Variants in GRM5 observed in about 807,000 individuals in gnomAD.
GRM5 encodes the protein metabotropic glutamate receptor 5.
Under a neutral mutation model 83.1 loss-of-function variants are expected in GRM5, and 19 were observed. That is an observed-to-expected ratio of 0.23 (90% confidence interval 0.16 to 0.34). The LOEUF is 0.34. Among genes scored for constraint, GRM5 ranks in the 10% least tolerant of loss-of-function variants. The pLI is 1.00. For missense variants in GRM5, 1,160 were observed against 1,588.3 expected (o/e 0.73, Z 4.58); for synonymous variants, 675 against 633.6 (o/e 1.07, Z -0.98).
At chr11:88,894,885 C>G (rs921950399) in intron 2 of GRM5, among the ~76,000 whole-genome samples, 3 of 151,922 alleles carry the variant, frequency 2.0e-5, no homozygotes, top group Non-Finnish European at 4.4e-5. Flanking sequence ...ATCAACAAAC[C>G]AGGAAGTGAA....
chr11:88,595,659 T>C (rs911226498), intron 6 of GRM5, among the ~76,000 whole-genome samples: 1 of 152,190 alleles, frequency 6.6e-6, no homozygotes, highest in African/African-American at 2.4e-5. Context: ...TGATACTCAA[T>C]TGCCATTACA....
intron 4 of GRM5, among the ~76,000 whole-genome samples, chr11:88,608,129 G>T (rs185984208): frequency 3.3e-5 from 5 of 152,180 alleles, no homozygotes; most frequent in Non-Finnish European, 5.9e-5. Flanking sequence ...AGCCTTGGGG[G>T]AGCAGCTCAC....
chr11:88,784,597 G>A lies in GRM5; in HGVS notation c.911+65309C>T, dbSNP rs1435810468. On this transcript the variant is annotated intron_variant, in intron 3 of 9. Coordinates refer to ENST00000305447, the MANE Select transcript of GRM5 (RefSeq NM_001143831.3). ...GACTGGCTAGAACACAGACTGCAAA[G>A]CCTGTGTTCTTCATCGGTGTATTCT... Among the ~76,000 whole-genome samples, 3 of 152,072 alleles carry A rather than the reference G, an allele frequency of 2.0e-5. No homozygotes were observed. The East Asian group carries it at 5.8e-4, about 29-fold the overall frequency.
At chr11:88,696,265 TCTG>T (rs1265818433) in intron 3 of GRM5, among the ~76,000 whole-genome samples, 1 of 152,078 alleles carries the variant, frequency 6.6e-6, no homozygotes, top group African/African-American at 2.4e-5. Flanking sequence ...GGTGTTCTCT[TCTG>T]CTCCTCTCCA....
intron 7 of GRM5, among the ~76,000 whole-genome samples, chr11:88,582,623 T>G (rs1051911674): frequency 5.9e-5 from 9 of 152,220 alleles, no homozygotes; most frequent in Non-Finnish European, 1.2e-4. Context: ...TAAACTAAAC[T>G]TATTTCTCAT....
rs766741554 is a variant in GRM5, at chr11:88,508,978, G to A, written c.3253C>T (p.Pro1085Ser). Residue 1085 changes from proline to serine, a missense_variant, in exon 10 of 10, where the codon CCC (proline) becomes TCC (serine). Coordinates refer to ENST00000305447, the MANE Select transcript of GRM5 (RefSeq NM_001143831.3). This position sits in a 1 kb window ranked among gnomAD's most constrained non-coding sequence, Gnocchi z 4.2. Reference sequence around the variant, plus strand: ...AGCGGGGCGCCGACGCCGGGGCTGGGGGCCGCGGTGGACAGCATCATGGAG... The same window carrying A: ...AGCGGGGCGCCGACGCCGGGGCTGGAGGCCGCGGTGGACAGCATCATGGAG... ...LNSMMLSTAAPSPGVGAPLCS... is the reference protein window; with the variant it reads ...LNSMMLSTAASSPGVGAPLCS... 34 of 1,583,606 alleles carry A rather than the reference G, an allele frequency of 2.1e-5. No individual in the cohort carries two copies. In the Admixed American group the frequency reaches 4.0e-4, roughly 19 times the overall value.
At chr11:88,645,360 G>A (rs2221108) in intron 4 of GRM5, among the ~76,000 whole-genome samples, 134,248 of 152,096 alleles carry the variant, frequency 0.88, 60,265 homozygotes, top group Non-Finnish European at 0.98. Flanking sequence ...ATGAGAGTGT[G>A]AATTCATTGG....
intron 4 of GRM5, among the ~76,000 whole-genome samples, chr11:88,630,766 C>T (rs1034453724): frequency 2.0e-4 from 31 of 152,110 alleles, no homozygotes; most frequent in Non-Finnish European, 3.1e-4. Flanking sequence ...TTAGTAGAGA[C>T]GGGGTTTCTC....
At chr11:88,638,573 T>TA in intron 4 of GRM5, among the ~76,000 whole-genome samples, 1 of 152,248 alleles carries the variant, frequency 6.6e-6, no homozygotes, top group East Asian at 1.9e-4. Flanking sequence ...TGTTTTTCCT[T>TA]AAATGTTTGG....
chr11:88,781,959 C>A (rs1036150826), intron 3 of GRM5, among the ~76,000 whole-genome samples: 1 of 152,090 alleles, frequency 6.6e-6, no homozygotes, highest in Non-Finnish European at 1.5e-5. Flanking sequence ...TCCAAGCATT[C>A]CTCACATGCT....
At chr11:88,931,764 T>C (rs553443017) in intron 2 of GRM5, among the ~76,000 whole-genome samples, 98 of 152,278 alleles carry the variant, frequency 6.4e-4, no homozygotes, top group African/African-American at 1.8e-3. Context: ...TTGCCATTTG[T>C]TATTTCTGTA....
intron 3 of GRM5, among the ~76,000 whole-genome samples, chr11:88,799,548 G>A (rs994344417): frequency 6.6e-6 from 1 of 152,032 alleles, no homozygotes; most frequent in African/African-American, 2.4e-5. Flanking sequence ...ATATGGATAA[G>A]TAGACAATGA....
At position 88,602,081 on chromosome 11, in the gene GRM5, C is replaced by CT. The variant is rs535754010; in HGVS notation, c.1394+2636dup. ...CTTTAGAGCTCTGAAATTTTTTTTTCTTTTTTTTGTAACTCACTTGGCAGC... is the reference window on the plus strand; with the variant it reads ...CTTTAGAGCTCTGAAATTTTTTTTTCTTTTTTTTTGTAACTCACTTGGCAGC... On this transcript the variant is annotated intron_variant, in intron 5 of 9. Coordinates refer to ENST00000305447, the MANE Select transcript of GRM5 (RefSeq NM_001143831.3). 9.6e-4 allele frequency among the ~76,000 whole-genome samples: 130 copies of CT among 135,654 alleles called. 1 individual carries two copies. The highest frequency in any genetic ancestry group is 3.3e-3 in the African/African-American group (123 of 37,392). The allele number at this position is 135,654 out of a possible 152,430, so 89.0% of individuals were successfully genotyped here.
intron 3 of GRM5, among the ~76,000 whole-genome samples, chr11:88,774,726 G>A (rs1942812409): frequency 6.6e-6 from 1 of 152,164 alleles, no homozygotes; most frequent in Admixed American, 6.5e-5. Context: ...TTTTGTCCTT[G>A]GTTCTGTTCA....
intron 2 of GRM5, among the ~76,000 whole-genome samples, chr11:88,956,306 A>G (rs1242754429): frequency 2.0e-5 from 3 of 152,226 alleles, no homozygotes; most frequent in Admixed American, 6.5e-5. Flanking sequence ...AATCTTAGTG[A>G]TAGACGATAT....
chr11:88,854,441 A>T (rs1590914580), intron 2 of GRM5, among the ~76,000 whole-genome samples: 2 of 152,114 alleles, frequency 1.3e-5, no homozygotes, highest in East Asian at 1.9e-4. Flanking sequence ...ATCGTAACAG[A>T]TTTTAATAAT....
intron 2 of GRM5, among the ~76,000 whole-genome samples, chr11:89,025,845 G>C (rs1273603558): frequency 1.3e-5 from 2 of 152,118 alleles, no homozygotes; most frequent in African/African-American, 2.4e-5. Context: ...TACAACCAAA[G>C]GAATATAAAT....
chr11:88,881,600 G>A (rs1166056182), intron 2 of GRM5, among the ~76,000 whole-genome samples: 8 of 152,100 alleles, frequency 5.3e-5, no homozygotes, highest in Non-Finnish European at 1.0e-4. Context: ...AGATGAAACC[G>A]AGTTCAAGTA....
intron 2 of GRM5, among the ~76,000 whole-genome samples, chr11:88,905,530 C>T (rs768478356): frequency 4.6e-5 from 7 of 152,056 alleles, no homozygotes; most frequent in South Asian, 2.1e-4. Flanking sequence ...TTAGTAGAGA[C>T]GGGGTTTCGC....
Sources: gnomAD v4.1 joint callset for allele counts (sites outside exome capture counted in the v4.1 genomes callset) on GRCh38, gnomAD v4.1.1 for gene constraint, Gnocchi (gnomAD v3.1) non-coding constraint, MANE v1.5 for transcripts, NCBI Gene and HGNC (gene_info 2026-07-23, HGNC 2026-07-21) for gene names.